The following ASH1L variants were observed in gnomAD, a reference collection of about 807,000 sequenced individuals.
ASH1L encodes the protein histone-lysine N-methyltransferase ASH1L.
A neutral mutation model predicts 269.0 loss-of-function variants in ASH1L; 23 were observed. The observed-to-expected ratio is 0.09, with a 90% CI of 0.06 to 0.12. ASH1L has a LOEUF of 0.12. Ranked by LOEUF, ASH1L falls within the 10% of genes least tolerant of loss-of-function variation. ASH1L has a pLI of 1.00. For missense variants in ASH1L, 2,912 were observed against 3,567.8 expected (o/e 0.82, Z 4.68); for synonymous variants, 1,187 against 1,253.5 (o/e 0.95, Z 1.12).
At chr1:155,354,917 ATAGTT>A (rs1425064678) in intron 15 of ASH1L, among the ~76,000 whole-genome samples, 1 of 152,222 alleles carries the variant, frequency 6.6e-6, no homozygotes, top group Non-Finnish European at 1.5e-5. Context: ...AATTCTAAAT[ATAGTT>A]GTCAAGATGA....
intron 3 of ASH1L, among the ~76,000 whole-genome samples, chr1:155,463,425 A>G (rs753010196): frequency 2.0e-5 from 3 of 152,184 alleles, no homozygotes; most frequent in Admixed American, 6.5e-5. Context: ...TCCAAAAACA[A>G]TTTTATAAAA....
At chr1:155,467,212 CAG>C (rs1189316856) in intron 3 of ASH1L, among the ~76,000 whole-genome samples, 1 of 152,130 alleles carries the variant, frequency 6.6e-6, no homozygotes. Flanking sequence ...TGCTGAAAAA[CAG>C]GGATGAAATA....
chr1:155,380,682 G>C (rs1367157799), intron 7 of ASH1L, among the ~76,000 whole-genome samples: 2 of 151,734 alleles, frequency 1.3e-5, no homozygotes, highest in Non-Finnish European at 2.9e-5. Context: ...CCAGGCTAGA[G>C]TGCAATGGTG....
rs765907525 is a variant in ASH1L at position 155,478,462 on chromosome 1, G to C, written c.4408C>G (p.Pro1470Ala). The part of the protein sequence containing the change: ...LLSMSTYPSV[P>A]PEMAYGWMVE... Reference sequence around the variant, plus strand: ...ATCCAACCATAGGCCATCTCAGGAGGAACACTGGGGTAGGTACTCATGGAA... The same window carrying C: ...ATCCAACCATAGGCCATCTCAGGAGCAACACTGGGGTAGGTACTCATGGAA... Residue 1470 changes from proline (P) to alanine (A), a missense_variant, in exon 3 of 28, where the codon CCT becomes GCT. By Grantham distance (27) the Pro-to-Ala change is conservative. Around this residue, in one of 13 missense-constraint regions of ASH1L, gnomAD observed 789 missense variants for 897.6 expected, o/e 0.88. Transcript: ENST00000392403. The surrounding 1 kb of genome is among the most constrained non-coding windows in gnomAD (Gnocchi z 4.6). The C allele has an allele frequency of 3.7e-6, 6 of 1,614,122 alleles. No individual in the cohort carries two copies. The highest frequency in any genetic ancestry group is 5.1e-6 in the Non-Finnish European group (6 of 1,180,022).
chr1:155,399,643 AC>A (rs1335917865), intron 6 of ASH1L, among the ~76,000 whole-genome samples: 1 of 142,440 alleles, frequency 7.0e-6, no homozygotes, highest in Admixed American at 7.0e-5. Context: ...TCCCACCCCA[AC>A]CCCCACCCCC....
At chr1:155,522,989 C>A (rs1668991788) in intron 1 of ASH1L, among the ~76,000 whole-genome samples, 1 of 152,026 alleles carries the variant, frequency 6.6e-6, no homozygotes, top group African/African-American at 2.4e-5. Context: ...CCGTGCCCAG[C>A]CAGAGACTAG....
chr1:155,510,746 T>C (rs1003193467), intron 2 of ASH1L, among the ~76,000 whole-genome samples: 10 of 152,060 alleles, frequency 6.6e-5, no homozygotes, highest in African/African-American at 2.4e-4. Context: ...AAGATGAACC[T>C]GAAAACACAT....
At chr1:155,509,703 G>A (rs962325873) in intron 2 of ASH1L, among the ~76,000 whole-genome samples, 3 of 152,164 alleles carry the variant, frequency 2.0e-5, no homozygotes, top group Non-Finnish European at 4.4e-5. Context: ...GGAGGCTGAG[G>A]CAGAAGAACT....
intron 25 of ASH1L, among the ~76,000 whole-genome samples, chr1:155,340,920 C>A (rs1288092518): frequency 6.6e-6 from 1 of 151,848 alleles, no homozygotes; most frequent in East Asian, 1.9e-4. Context: ...CACACGTGAG[C>A]CACCATGATG....
chr1:155,531,695 G>C (rs1669688078), intron 1 of ASH1L, among the ~76,000 whole-genome samples: 1 of 152,048 alleles, frequency 6.6e-6, no homozygotes, highest in Admixed American at 6.6e-5. Context: ...TCCCTAACAT[G>C]ATCAAGGAGA....
chr1:155,486,429 A>T (rs920003105), intron 2 of ASH1L, among the ~76,000 whole-genome samples: 10 of 143,176 alleles, frequency 7.0e-5, no homozygotes, highest in Admixed American at 2.1e-4. Context: ...TACCAAAAAT[A>T]AAAAAAAAAA....
intron 1 of ASH1L, among the ~76,000 whole-genome samples, chr1:155,534,083 C>A (rs981364106): frequency 4.7e-5 from 7 of 149,404 alleles, no homozygotes; most frequent in African/African-American, 1.7e-4. Flanking sequence ...TCTGAGAGTT[C>A]CCAGCTGCTT....
chr1:155,539,461 T>C (rs907588686), intron 1 of ASH1L, among the ~76,000 whole-genome samples: 17 of 149,558 alleles, frequency 1.1e-4, no homozygotes, highest in Admixed American at 2.7e-4. Flanking sequence ...ATATATATTT[T>C]GTTCTTGTTC....
chr1:155,547,919 TAAG>T (rs1481023082), intron 1 of ASH1L, among the ~76,000 whole-genome samples: 1 of 152,080 alleles, frequency 6.6e-6, no homozygotes, highest in Non-Finnish European at 1.5e-5. Context: ...GATCTTGCAG[TAAG>T]CCGAGATCGC....
chr1:155,485,577 T>C (rs751739713), intron 2 of ASH1L, among the ~76,000 whole-genome samples: 28 of 152,100 alleles, frequency 1.8e-4, no homozygotes, highest in Non-Finnish European at 3.2e-4. Flanking sequence ...AACAGATACA[T>C]AGATAAAATA....
At chr1:155,462,070 G>C (rs1433741928) in intron 3 of ASH1L, among the ~76,000 whole-genome samples, 1 of 152,148 alleles carries the variant, frequency 6.6e-6, no homozygotes, top group Non-Finnish European at 1.5e-5. Context: ...AAAGTGCTGG[G>C]ATTATAGGCA....
At chr1:155,462,309 C>A (rs1004872902) in intron 3 of ASH1L, among the ~76,000 whole-genome samples, 1 of 152,208 alleles carries the variant, frequency 6.6e-6, no homozygotes, top group African/African-American at 2.4e-5. Context: ...GCCATCCATT[C>A]TTGAGCTCCA....
intron 12 of ASH1L, among the ~76,000 whole-genome samples, chr1:155,363,691 G>C (rs1295396195): frequency 6.6e-6 from 1 of 151,612 alleles, no homozygotes; most frequent in African/African-American, 2.4e-5. Context: ...ACAGAGTCTT[G>C]ATCTGTCACC....
At chr1:155,457,867 T>A (rs918984370) in intron 4 of ASH1L, among the ~76,000 whole-genome samples, 3 of 152,226 alleles carry the variant, frequency 2.0e-5, no homozygotes, top group Admixed American at 6.5e-5. Context: ...ATGTCCCTTA[T>A]CAAAATCTCA....
Sources: allele counts gnomAD v4.1 joint callset (sites outside exome capture counted in the v4.1 genomes callset), GRCh38; gene constraint gnomAD v4.1.1; regional missense constraint gnomAD v4.1.1; non-coding constraint Gnocchi (gnomAD v3.1); transcripts MANE v1.5; gene names NCBI Gene and HGNC (gene_info 2026-07-23, HGNC 2026-07-21).